The following STARD6 variants were observed in gnomAD, a reference collection of about 807,000 sequenced individuals.
The protein encoded by STARD6 is StAR related lipid transfer domain containing 6.
A neutral mutation model predicts 22.3 loss-of-function variants in STARD6; 21 were observed. That is an observed-to-expected ratio of 0.94 (90% CI 0.67 to 1.35). The LOEUF (loss-of-function observed/expected upper bound fraction) is 1.35, where lower values mean the gene tolerates loss of function less well. STARD6 is among the 40% of genes most tolerant of loss of function. The pLI, the probability that STARD6 is intolerant of heterozygous loss-of-function variation, is 0.00. For synonymous variants in STARD6, 80 were observed against 88.1 expected, an observed-to-expected ratio of 0.91 and a Z score of 0.52; for missense variants, 269 against 266.9, an observed-to-expected ratio of 1.01 and a Z score of -0.05.
intron 4 of STARD6, among the ~76,000 whole-genome samples, chr18:54,350,752 C>T (rs1160875925): frequency 6.6e-6 from 1 of 152,030 alleles, no homozygotes; most frequent in Non-Finnish European, 1.5e-5. Context: ...CCTTTCCCCA[C>T]TTTATGTTTT....
chr18:54,354,343 G>A (rs1010045550), intron 3 of STARD6, 141 bp downstream of exon 3: 1 of 736,846 alleles, frequency 1.4e-6, no homozygotes, highest in African/African-American at 1.8e-5. Flanking sequence ...GTCCTCCTGT[G>A]TTAGCCTCCT....
In STARD6 at chr18:54,331,752, G is replaced by T; in HGVS notation, c.375C>A (p.Asn125Lys). ...VYIKRYEGNM[N>K]IISSKSVDFP... ...AATGTTTCAACTTACAACTGATAAT[G>T]TTCATATTTCCTTCGTAGCGCTTGA... The change falls in exon 6 of 8, where the codon AAC becomes AAA. Residue 125 changes from asparagine (N) to lysine (K), a missense_variant. Asn to Lys is a moderately conservative substitution (Grantham distance 94). Coordinates refer to ENST00000307844, the MANE Select transcript of STARD6 (RefSeq NM_139171.2). The T allele has an allele frequency of 6.2e-7, 1 of 1,606,834 alleles. No homozygotes were observed. The highest frequency in any genetic ancestry group is 8.5e-7 in the Non-Finnish European group (1 of 1,175,150).
At chr18:54,354,301 G>A (rs942625666) in intron 3 of STARD6, 183 bp downstream of exon 3, 2 of 646,970 alleles carry the variant, frequency 3.1e-6, no homozygotes, top group Non-Finnish European at 5.4e-6. Context: ...CAATCATGGT[G>A]CATGACAGCC....
In STARD6 at chr18:54,343,424, G is replaced by C. The variant is rs1230646583; in HGVS notation, c.141-6173C>G. Among the ~76,000 whole-genome samples, 23 of 138,716 alleles carry C rather than the reference G, an allele frequency of 1.7e-4. 1 individual carries two copies. The highest frequency in any genetic ancestry group is 1.6e-3 in the Admixed American group (23 of 14,500). The allele number at this position is 138,716 out of a possible 152,430, so 91.0% of individuals were successfully genotyped here. A position where few individuals can be genotyped will look rare whatever the true frequency, so the allele number is the denominator to read the frequency against. On this transcript the variant is annotated intron_variant, in intron 4 of 7. Transcript: ENST00000307844. The stretch of plus-strand genomic sequence containing the variant: ...TGCCATCCGGGAGGGAGGTGGGGGG[G>C]TCAGCCCCCTGCCCGGCCAGCCGCC...
intron 4 of STARD6, among the ~76,000 whole-genome samples, chr18:54,341,946 A>C (rs924659383): frequency 6.6e-6 from 1 of 152,206 alleles, no homozygotes; most frequent in Non-Finnish European, 1.5e-5. Flanking sequence ...GAAATTGTGA[A>C]TAGAAAAATA....
intron 5 of STARD6, among the ~76,000 whole-genome samples, chr18:54,334,211 C>T (rs752932221): frequency 5.9e-5 from 9 of 152,192 alleles, no homozygotes; most frequent in Non-Finnish European, 1.2e-4. Context: ...TCCCTCTCCA[C>T]GTCTACCACC....
intron 3 of STARD6, 102 bp from the exon 4 acceptor site, chr18:54,354,205 A>G: frequency 1.3e-6 from 1 of 749,006 alleles, no homozygotes; most frequent in Non-Finnish European, 2.2e-6. Context: ...TCTGGTTTGT[A>G]AAAGAAAAAA....
rs142453284 is a variant in STARD6 at position 54,334,289 on chromosome 18, G to A, written c.268-2430C>T. On this transcript the variant is annotated intron_variant, in intron 5 of 7. Coordinates refer to ENST00000307844, the MANE Select transcript of STARD6 (RefSeq NM_139171.2). ...AGCCTCATAACTTTTTGCTGATTTC[G>A]TAGCCTCATAACTGTTTTTGCTGAT... Among the ~76,000 whole-genome samples the A allele has an allele frequency of 3.1e-3, 476 of 152,098 alleles. 1 individual carries two copies. Among genetic ancestry groups the A allele is most frequent in the Middle Eastern group, 0.01 (3 of 294 alleles).
rs770470633 is a variant in STARD6, at chr18:54,337,112, A to C, written c.267+13T>G. The C allele has an allele frequency of 6.2e-7, 1 of 1,603,274 alleles. No individual in the cohort carries two copies. Among genetic ancestry groups the C allele is most frequent in the Non-Finnish European group, 8.5e-7 (1 of 1,175,414 alleles). ...TTAATGTTCTAGAAGTCCAGTATTA[A>C]ACAACAAATTACCGAATCAATCCTG... On this transcript the variant is annotated intron_variant, in intron 5 of 7. Coordinates refer to ENST00000307844, the MANE Select transcript of STARD6 (RefSeq NM_139171.2).
intron 4 of STARD6, among the ~76,000 whole-genome samples, chr18:54,345,192 T>A (rs1283673086): frequency 6.6e-6 from 1 of 152,138 alleles, no homozygotes; most frequent in Non-Finnish European, 1.5e-5. Context: ...AGCTTCAGGA[T>A]ACAAGATCAA....
chr18:54,330,200 A>G (rs1157520148), intron 6 of STARD6, among the ~76,000 whole-genome samples: 1 of 152,086 alleles, frequency 6.6e-6, no homozygotes, highest in Non-Finnish European at 1.5e-5. Context: ...AATCAATTCC[A>G]TGGGAAATAC....
intron 4 of STARD6, among the ~76,000 whole-genome samples, chr18:54,342,463 CCCTCCCTCTCCG>C (rs1336952263): frequency 3.1e-5 from 4 of 128,448 alleles, no homozygotes; most frequent in African/African-American, 1.3e-4. Context: ...CTCTCCCTCT[CCCTCCCTCTCCG>C]TCTCCGTCTC....
chr18:54,348,186 A>C (rs2089056355), intron 4 of STARD6, among the ~76,000 whole-genome samples: 2 of 152,160 alleles, frequency 1.3e-5, no homozygotes. Flanking sequence ...CAGCAGCGTG[A>C]AAATGAACTA....
intron 4 of STARD6, among the ~76,000 whole-genome samples, chr18:54,341,301 C>T (rs188769501): frequency 7.4e-4 from 113 of 152,258 alleles, no homozygotes; most frequent in African/African-American, 2.6e-3. Flanking sequence ...CCTCATGATC[C>T]GCCCACCTCA....
At chr18:54,345,484 A>G (rs1029225901) in intron 4 of STARD6, among the ~76,000 whole-genome samples, 1 of 152,216 alleles carries the variant, frequency 6.6e-6, no homozygotes, top group African/African-American at 2.4e-5. Flanking sequence ...TAAAATGGCA[A>G]TAATTCTCCA....
intron 4 of STARD6, among the ~76,000 whole-genome samples, chr18:54,343,407 G>A (rs1468444565): frequency 3.5e-5 from 5 of 141,872 alleles, no homozygotes; most frequent in East Asian, 4.2e-4. Flanking sequence ...CGTGCCATCC[G>A]GGAGGGAGGT....
intron 7 of STARD6, among the ~76,000 whole-genome samples, chr18:54,327,418 A>G (rs1444942174): frequency 1.3e-5 from 2 of 152,194 alleles, no homozygotes; most frequent in Non-Finnish European, 2.9e-5. Context: ...AATATATTCT[A>G]TTAGAATAAA....
At chr18:54,352,300 ATTT>A (rs2089105685) in intron 4 of STARD6, among the ~76,000 whole-genome samples, 1 of 151,936 alleles carries the variant, frequency 6.6e-6, no homozygotes, top group African/African-American at 2.4e-5. Context: ...AATATCTCCC[ATTT>A]CATTGCTAAT....
chr18:54,354,763 T>C (rs1401270188), intron 2 of STARD6, among the ~76,000 whole-genome samples, 186 bp from the exon 3 acceptor site: 4 of 152,242 alleles, frequency 2.6e-5, no homozygotes, highest in South Asian at 2.1e-4. Flanking sequence ...AACTGTGGTA[T>C]AGTGGAAAAA....
Sources: gnomAD v4.1 joint callset for allele counts (sites outside exome capture counted in the v4.1 genomes callset) on GRCh38, gnomAD v4.1.1 for gene constraint, MANE v1.5 for transcripts, NCBI Gene and HGNC (gene_info 2026-07-23, HGNC 2026-07-21) for gene names.